Variants in DPF3 observed in about 807,000 individuals in gnomAD.
DPF3 encodes double PHD fingers 3.
DPF3 carries 18 observed loss-of-function variants against 56.8 expected under a neutral mutation model. The observed-to-expected ratio is 0.32, with a 90% CI of 0.22 to 0.47. The LOEUF is 0.47. Among genes scored for constraint, DPF3 ranks in the 20% least tolerant of loss-of-function variants. The pLI is 1.00. For synonymous variants in DPF3, 188 were observed against 180.2 expected, an observed-to-expected ratio of 1.04 and a Z score of -0.35; for missense variants, 403 against 488.8, an observed-to-expected ratio of 0.82 and a Z score of 1.65.
At position 72,619,914 on chromosome 14, in the gene DPF3, T is replaced by C; in HGVS notation, c.1055A>G (p.Glu352Gly). Reference sequence around the variant, plus strand: ...TTCATCATCATTACCTTCTGGGGGCTCAGCCACCGGGGGATTTAAACAGTA... The same window carrying C: ...TTCATCATCATTACCTTCTGGGGGCCCAGCCACCGGGGGATTTAAACAGTA... Reference protein sequence around the residue: ...HMYCLNPPVAEPPEGSWSCHL... With the variant: ...HMYCLNPPVAGPPEGSWSCHL... Residue 352 changes from glutamate (E) to glycine (G), a missense_variant, in exon 10 of 11, where the codon GAG becomes GGG. By Grantham distance (98) the Glu-to-Gly change is moderately conservative. Coordinates refer to ENST00000556509, the MANE Select transcript of DPF3 (RefSeq NM_001280542.3). The C allele has an allele frequency of 6.5e-7, 1 of 1,533,420 alleles. No individual in the cohort carries two copies. The highest frequency in any genetic ancestry group is 8.7e-7 in the Non-Finnish European group (1 of 1,145,816). 95.0% of individuals were successfully genotyped at this position (1,533,420 alleles called of 1,614,324 possible).
At chr14:72,757,461 C>T (rs1890886630) in intron 2 of DPF3, among the ~76,000 whole-genome samples, 2 of 151,998 alleles carry the variant, frequency 1.3e-5, no homozygotes, top group Admixed American at 6.6e-5. Context: ...AGCTACATCC[C>T]AATCCTGCAT....
chr14:72,828,812 G>A (rs576216568), intron 1 of DPF3, among the ~76,000 whole-genome samples: 3 of 152,318 alleles, frequency 2.0e-5, no homozygotes, highest in South Asian at 2.1e-4. Flanking sequence ...GGTGGGTGAC[G>A]TGATCAGATT....
chr14:72,656,294 CT>C (rs1404474145), intron 8 of DPF3, among the ~76,000 whole-genome samples: 3 of 152,214 alleles, frequency 2.0e-5, no homozygotes, highest in African/African-American at 7.2e-5. Context: ...CTTCCCAGAC[CT>C]TCCACATCAT....
intron 2 of DPF3, among the ~76,000 whole-genome samples, chr14:72,761,726 TAGA>T (rs1248651858): frequency 6.6e-6 from 1 of 151,202 alleles, no homozygotes; most frequent in Non-Finnish European, 1.5e-5. Flanking sequence ...CCAAAGTAAA[TAGA>T]AGGAAATATA....
At chr14:72,795,035 CTCAAAG>C (rs1892579187) in intron 1 of DPF3, among the ~76,000 whole-genome samples, 1 of 152,038 alleles carries the variant, frequency 6.6e-6, no homozygotes, top group Admixed American at 6.6e-5. Flanking sequence ...ATCTCCTCAT[CTCAAAG>C]TCCTTAACTT....
intron 1 of DPF3, among the ~76,000 whole-genome samples, chr14:72,889,428 C>T (rs1256286298): frequency 2.6e-5 from 4 of 152,176 alleles, no homozygotes; most frequent in Admixed American, 6.5e-5. Flanking sequence ...AATCTGTTGG[C>T]TTACAACGTC....
At chr14:72,865,521 T>C (rs1297130448) in intron 1 of DPF3, among the ~76,000 whole-genome samples, 1 of 152,132 alleles carries the variant, frequency 6.6e-6, no homozygotes, top group African/African-American at 2.4e-5. Context: ...TGGGGTGAAA[T>C]CATCGGCTGA....
At chr14:72,657,235 T>C (rs575289761) in intron 8 of DPF3, among the ~76,000 whole-genome samples, 46 of 152,318 alleles carry the variant, frequency 3.0e-4, no homozygotes, top group Admixed American at 2.6e-4. Flanking sequence ...ATCTCCCAAG[T>C]TGGGCCCCAC....
At chr14:72,811,891 A>T (rs1296795239) in intron 1 of DPF3, among the ~76,000 whole-genome samples, 1 of 152,052 alleles carries the variant, frequency 6.6e-6, no homozygotes, top group Non-Finnish European at 1.5e-5. Flanking sequence ...GGCTTGCTCC[A>T]GGGCACCCAG....
At chr14:72,879,564 G>T (rs1292773181) in intron 1 of DPF3, among the ~76,000 whole-genome samples, 1 of 152,140 alleles carries the variant, frequency 6.6e-6, no homozygotes, top group Non-Finnish European at 1.5e-5. Flanking sequence ...CCACCAGGGA[G>T]AGGGACCACT....
intron 8 of DPF3, 86 bp downstream of exon 8, chr14:72,674,154 G>A: frequency 1.4e-6 from 2 of 1,476,340 alleles, no homozygotes; most frequent in Non-Finnish European, 1.8e-6. Flanking sequence ...TCCCTCTCCA[G>A]TCTCCAGCAC....
At chr14:72,810,381 G>A (rs1170962724) in intron 1 of DPF3, among the ~76,000 whole-genome samples, 1 of 152,182 alleles carries the variant, frequency 6.6e-6, no homozygotes, top group Non-Finnish European at 1.5e-5. Flanking sequence ...AGGAAGAGAC[G>A]GGCGGAGAAT....
At chr14:72,861,854 A>T (rs1386770253) in intron 1 of DPF3, among the ~76,000 whole-genome samples, 2 of 152,192 alleles carry the variant, frequency 1.3e-5, no homozygotes. Flanking sequence ...ACTTTATCAC[A>T]ATAATGGAAA....
intron 1 of DPF3, among the ~76,000 whole-genome samples, chr14:72,789,185 T>C (rs1488371550): frequency 6.6e-6 from 1 of 152,172 alleles, no homozygotes; most frequent in Non-Finnish European, 1.5e-5. Flanking sequence ...TGAGCAACAG[T>C]AACAACATCC....
chr14:72,626,195 T>C (rs991967387), intron 9 of DPF3, among the ~76,000 whole-genome samples: 5 of 152,190 alleles, frequency 3.3e-5, no homozygotes, highest in Non-Finnish European at 2.9e-5. Context: ...TAAAACCTTA[T>C]GATGGTTGTA....
intron 7 of DPF3, among the ~76,000 whole-genome samples, chr14:72,676,552 C>T (rs550275120): frequency 2.0e-5 from 3 of 152,192 alleles, no homozygotes; most frequent in Admixed American, 6.5e-5. Flanking sequence ...ATTGCAGCTC[C>T]CATAATCCCC....
intron 1 of DPF3, among the ~76,000 whole-genome samples, chr14:72,879,652 T>C (rs942475417): frequency 6.6e-6 from 1 of 152,002 alleles, no homozygotes; most frequent in Non-Finnish European, 1.5e-5. Flanking sequence ...TCAAACCGCC[T>C]GCCCAGAGGA....
chr14:72,629,773 G>C (rs574288312), intron 8 of DPF3, 37 bp from the exon 9 acceptor site: 1 of 1,457,228 alleles, frequency 6.9e-7, no homozygotes, highest in Non-Finnish European at 9.3e-7. Flanking sequence ...TAGGGCCAAA[G>C]TATGAACTGC....
intron 1 of DPF3, among the ~76,000 whole-genome samples, chr14:72,873,506 T>C (rs1394126090): frequency 1.3e-5 from 2 of 152,202 alleles, no homozygotes; most frequent in Admixed American, 6.5e-5. Flanking sequence ...ATTGTGGAAG[T>C]CAGTGTGGCG....
Sources: gnomAD v4.1 joint callset for allele counts (sites outside exome capture counted in the v4.1 genomes callset) on GRCh38, gnomAD v4.1.1 for gene constraint, MANE v1.5 for transcripts, NCBI Gene and HGNC (gene_info 2026-07-23, HGNC 2026-07-21) for gene names.